The following CHRM3 variants were observed in gnomAD, a reference collection of about 807,000 sequenced individuals.
The protein encoded by CHRM3 is muscarinic acetylcholine receptor M3.
Under a neutral mutation model 41.8 loss-of-function variants are expected in CHRM3, and 11 were observed. The observed-to-expected ratio is 0.26, with a 90% confidence interval of 0.17 to 0.44. CHRM3 has a LOEUF of 0.44. Among genes scored for constraint, CHRM3 ranks in the 20% least tolerant of loss-of-function variants. CHRM3 has a pLI of 1.00. For missense variants in CHRM3, 571 were observed against 745.4 expected (o/e 0.77, Z 2.72); for synonymous variants, 297 against 301.4 (o/e 0.99, Z 0.15).
intron 5 of CHRM3, among the ~76,000 whole-genome samples, chr1:239,825,039 A>C (rs951400955): frequency 2.0e-5 from 3 of 152,228 alleles, no homozygotes; most frequent in Non-Finnish European, 4.4e-5. Flanking sequence ...CTGCCAGTGC[A>C]CGTGCTGTGA....
At chr1:239,794,628 GTGGGAAT>G (rs1669620936) in intron 5 of CHRM3, among the ~76,000 whole-genome samples, 2 of 152,120 alleles carry the variant, frequency 1.3e-5, no homozygotes, top group South Asian at 4.1e-4. Context: ...CCACTAAAAT[GTGGGAAT>G]TGAGCTATAC....
At chr1:239,783,833 G>C (rs1033095221) in intron 5 of CHRM3, among the ~76,000 whole-genome samples, 1 of 152,136 alleles carries the variant, frequency 6.6e-6, no homozygotes, top group African/African-American at 2.4e-5. Context: ...GTACTTGATA[G>C]GTAGTTTTTC....
chr1:239,883,096 G>C (rs1192133601), intron 6 of CHRM3, among the ~76,000 whole-genome samples: 1 of 152,126 alleles, frequency 6.6e-6, no homozygotes, highest in Non-Finnish European at 1.5e-5. Flanking sequence ...CTCTTGTCTA[G>C]ATTCTATTGA....
At chr1:239,520,467 T>G (rs966211706) in intron 2 of CHRM3, among the ~76,000 whole-genome samples, 4 of 152,110 alleles carry the variant, frequency 2.6e-5, no homozygotes, top group African/African-American at 9.7e-5. Flanking sequence ...GCTTGCTCTC[T>G]CTTGCTCCCA....
At chr1:239,755,914 A>C (rs1278318165) in intron 5 of CHRM3, among the ~76,000 whole-genome samples, 4 of 152,240 alleles carry the variant, frequency 2.6e-5, no homozygotes, top group Non-Finnish European at 5.9e-5. Flanking sequence ...ATCTTGCTAC[A>C]GGGAATACAA....
chr1:239,568,152 G>A (rs1036069660), intron 3 of CHRM3, among the ~76,000 whole-genome samples: 1 of 152,116 alleles, frequency 6.6e-6, no homozygotes, highest in African/African-American at 2.4e-5. Context: ...CCAGGCTGGT[G>A]TGGGTAGCCT....
In CHRM3 at chr1:239,908,261, C is replaced by T; in HGVS notation, c.810C>T (p.Ala270=). ...KRTKELAGLQ[A]SGTEAETENF... is the part of the protein sequence containing the mutation. ...CCAAAGAGCTTGCTGGCCTGCAAGC[C>T]TCTGGGACAGAGGCAGAGACAGAAA... is the stretch of plus-strand genomic sequence containing the variant. Residue 270 remains alanine (A), a synonymous_variant, in exon 7 of 7, where the codon GCC becomes GCT. Coordinates refer to ENST00000676153, the MANE Select transcript of CHRM3 (RefSeq NM_001375978.1). This position sits in a 1 kb window ranked among gnomAD's most constrained non-coding sequence, Gnocchi z 7.2. 1 of 1,614,154 alleles carries T rather than the reference C, an allele frequency of 6.2e-7. No individual in the cohort carries two copies. The highest frequency in any genetic ancestry group is 8.5e-7 in the Non-Finnish European group (1 of 1,180,032).
intron 1 of CHRM3, among the ~76,000 whole-genome samples, chr1:239,423,496 C>T (rs1662119568): frequency 1.3e-5 from 2 of 152,130 alleles, no homozygotes; most frequent in Admixed American, 1.3e-4. Flanking sequence ...TATACAATAT[C>T]AGACTGCAGC....
chr1:239,393,691 T>C (rs1196900200), intron 1 of CHRM3, among the ~76,000 whole-genome samples: 1 of 152,232 alleles, frequency 6.6e-6, no homozygotes, highest in Admixed American at 6.5e-5. Flanking sequence ...TTCATTTGAA[T>C]GTTAGAAACT....
At chr1:239,551,314 C>T (rs556733021) in intron 3 of CHRM3, among the ~76,000 whole-genome samples, 47 of 151,418 alleles carry the variant, frequency 3.1e-4, no homozygotes, top group Admixed American at 7.2e-4. Flanking sequence ...AGCCATGCAC[C>T]ACCACGCCTG....
intron 5 of CHRM3, among the ~76,000 whole-genome samples, chr1:239,798,685 G>T (rs1289018666): frequency 1.3e-5 from 2 of 152,166 alleles, no homozygotes; most frequent in East Asian, 1.9e-4. Context: ...AAAGGACACG[G>T]ATTACTTTGT....
Position 239,827,242 on chromosome 1 carries a change from G to C in CHRM3, c.-146-10G>C, listed in dbSNP as rs1672529004. 2.0e-5 allele frequency: 3 copies of C among 152,218 alleles called. No individual in the cohort carries two copies. The highest frequency in any genetic ancestry group is 1.3e-4 in the Admixed American group (2 of 15,282). 9.4% of individuals were successfully genotyped at this position (152,218 alleles called of 1,614,324 possible). ...GGAACTGACTCCTTGCCTGGTTTCTGTCTTCCCAGGTGGAGCTGGTCTCTT... is the reference window on the plus strand; with the variant it reads ...GGAACTGACTCCTTGCCTGGTTTCTCTCTTCCCAGGTGGAGCTGGTCTCTT... On this transcript the variant is annotated splice_polypyrimidine_tract_variant and intron_variant, in intron 5 of 6. Coordinates refer to ENST00000676153, the MANE Select transcript of CHRM3 (RefSeq NM_001375978.1).
chr1:239,648,137 T>C (rs922795413), intron 4 of CHRM3, among the ~76,000 whole-genome samples: 1 of 152,208 alleles, frequency 6.6e-6, no homozygotes, highest in African/African-American at 2.4e-5. Flanking sequence ...CCCTCTACCC[T>C]GAAAGAAAGA....
At chr1:239,540,135 C>T (rs936267306) in intron 2 of CHRM3, among the ~76,000 whole-genome samples, 1 of 152,138 alleles carries the variant, frequency 6.6e-6, no homozygotes, top group African/African-American at 2.4e-5. Flanking sequence ...AGGAAGTCAC[C>T]TAATGATGCC....
rs572700555 is a variant in CHRM3, at chr1:239,874,385, A to AT, written c.-19-33041dup. 4.9e-3 allele frequency among the ~76,000 whole-genome samples: 708 copies of AT among 144,380 alleles called. 2 individuals are homozygous for AT. Among genetic ancestry groups the AT allele is most frequent in the Admixed American group, 8.0e-3 (113 of 14,164 alleles). 94.7% of individuals were successfully genotyped at this position (144,380 alleles called of 152,430 possible). A position where few individuals can be genotyped will look rare whatever the true frequency, so the allele number is the denominator to read the frequency against. On this transcript the variant is annotated intron_variant, in intron 6 of 6. Transcript: ENST00000676153. ...CTGTGCAAGTCCACTTAATATGCAG[A>AT]TTTTTTTCAGCCAAACGCAAATGGA...
chr1:239,453,951 G>A (rs1439493538), intron 1 of CHRM3, among the ~76,000 whole-genome samples: 1 of 152,150 alleles, frequency 6.6e-6, no homozygotes, highest in Non-Finnish European at 1.5e-5. Flanking sequence ...GAAAGTCTTA[G>A]CCAGGTTGAT....
chr1:239,749,213 T>C (rs1665608476), intron 5 of CHRM3, among the ~76,000 whole-genome samples: 1 of 152,228 alleles, frequency 6.6e-6, no homozygotes, highest in South Asian at 2.1e-4. Context: ...TTTGAAGTAA[T>C]GATTGTAAAT....
intron 1 of CHRM3, among the ~76,000 whole-genome samples, chr1:239,425,248 A>C (rs1319132995): frequency 2.6e-5 from 4 of 152,118 alleles, no homozygotes; most frequent in Non-Finnish European, 4.4e-5. Context: ...GCTCATTGAC[A>C]TCTCTTCCTT....
At chr1:239,825,854 A>G (rs1229464107) in intron 5 of CHRM3, among the ~76,000 whole-genome samples, 1 of 152,162 alleles carries the variant, frequency 6.6e-6, no homozygotes, top group Non-Finnish European at 1.5e-5. Context: ...TGCTGGGATT[A>G]CAGGTGTGAA....
Sources: allele counts gnomAD v4.1 joint callset (sites outside exome capture counted in the v4.1 genomes callset), GRCh38; gene constraint gnomAD v4.1.1; non-coding constraint Gnocchi (gnomAD v3.1); transcripts MANE v1.5; gene names NCBI Gene and HGNC (gene_info 2026-07-23, HGNC 2026-07-21).